CHST6: variants seen among roughly 807,000 people sequenced by gnomAD.
CHST6 encodes the protein carbohydrate sulfotransferase 6, also known as N-acetylglucosamine 6-O-sulfotransferase 5.
For missense variants in CHST6, 698 were observed against 586.2 expected, an observed-to-expected ratio of 1.19 and a Z score of -1.97; for synonymous variants, 309 against 276.4, an observed-to-expected ratio of 1.12 and a Z score of -1.17.
At position 75,474,441 on chromosome 16, in the gene CHST6, A is replaced by AT. The variant is rs930670232; in HGVS notation, c.*4199dup. 2.1e-4 allele frequency: 81 copies of AT among 385,344 alleles called. No homozygotes were observed. Among genetic ancestry groups the AT allele is most frequent in the Non-Finnish European group, 3.2e-4 (70 of 218,276 alleles). 23.9% of individuals were successfully genotyped at this position (385,344 alleles called of 1,614,324 possible). On this transcript the variant is annotated 3_prime_UTR_variant, in exon 3 of 3. Transcript: ENST00000332272. Reference sequence around the variant, plus strand: ...AGGTGCACGACACCATGCCCTGCTAATTTTTTTTTAACTTTGTAGAGATGG... The same window carrying AT: ...AGGTGCACGACACCATGCCCTGCTAATTTTTTTTTTAACTTTGTAGAGATGG...
Position 75,478,604 on chromosome 16 carries a change from C to A in CHST6, c.*37G>T, listed in dbSNP as rs771447855. 2.5e-6 allele frequency: 4 copies of A among 1,606,446 alleles called. No homozygotes were observed. Among genetic ancestry groups the A allele is most frequent in the Non-Finnish European group, 3.4e-6 (4 of 1,173,866 alleles). On this transcript the variant is annotated 3_prime_UTR_variant, in exon 3 of 3. Coordinates refer to ENST00000332272, the MANE Select transcript of CHST6 (RefSeq NM_021615.5). ...AGCCCCCTCTGCACCATGCACTCTC[C>A]TCCCGGGCCTAGCGCCTGCTACAAC...
Position 75,479,740 on chromosome 16 carries a change from C to T in CHST6, c.89G>A (p.Gly30Glu). 1 of 1,604,776 alleles carries T rather than the reference C, an allele frequency of 6.2e-7. No homozygotes were observed. The highest frequency in any genetic ancestry group is 1.1e-5 in the South Asian group (1 of 90,220). The change falls in exon 3 of 3, where the codon GGG (glycine) becomes GAG (glutamate). Residue 30 changes from glycine to glutamate, a missense_variant. Transcript: ENST00000332272. Reference sequence around the variant, plus strand: ...CTCGCCGCCTGCTGGGGACGAGGGCCCTGGCCGGGAAACCAGAAAGAGGAG... The same window carrying T: ...CTCGCCGCCTGCTGGGGACGAGGGCTCTGGCCGGGAAACCAGAAAGAGGAG... The part of the protein sequence containing the change: ...FLLLFLVSRP[G>E]PSSPAGGEAR...
intron 1 of CHST6, among the ~76,000 whole-genome samples, chr16:75,491,275 C>A (rs1232525115): frequency 7.1e-6 from 1 of 140,742 alleles, no homozygotes; most frequent in African/African-American, 2.6e-5. Context: ...TGAATTCTAT[C>A]TCAATAAAGC....
At chr16:75,494,581 G>A (rs2080289661) in intron 1 of CHST6, among the ~76,000 whole-genome samples, 2 of 152,164 alleles carry the variant, frequency 1.3e-5, no homozygotes, top group South Asian at 4.1e-4. Context: ...CAATTCCCCT[G>A]GGTCTGGTTC....
chr16:75,486,779 T>C (rs1288880426), intron 1 of CHST6, among the ~76,000 whole-genome samples: 1 of 152,202 alleles, frequency 6.6e-6, no homozygotes, highest in Non-Finnish European at 1.5e-5. Flanking sequence ...GATGAGTTTC[T>C]GTCACTTACA....
intron 1 of CHST6, among the ~76,000 whole-genome samples, chr16:75,485,477 A>G (rs2080185976): frequency 6.6e-6 from 1 of 152,172 alleles, no homozygotes; most frequent in South Asian, 2.1e-4. Context: ...AAAAAAAATC[A>G]AAAACCTAAA....
chr16:75,483,532 T>C (rs1308356813), intron 1 of CHST6, among the ~76,000 whole-genome samples: 1 of 152,166 alleles, frequency 6.6e-6, no homozygotes, highest in African/African-American at 2.4e-5. Context: ...TTCAGCACAG[T>C]AGACATTTGG....
At chr16:75,481,302 A>G (rs577653802) in intron 2 of CHST6, among the ~76,000 whole-genome samples, 2 of 151,414 alleles carry the variant, frequency 1.3e-5, no homozygotes, top group African/African-American at 4.8e-5. Context: ...TATCAAAATG[A>G]GCAAATAAGT....
rs2080061077 is a variant in CHST6 at position 75,475,893 on chromosome 16, T to A, written c.*2748A>T. ...TGGAGTCTTGCTCTGTCATCCAGGC[T>A]GGAGTGCAGTGGCATTATCTCGGCT... On this transcript the variant is annotated 3_prime_UTR_variant, in exon 3 of 3. Coordinates refer to ENST00000332272, the MANE Select transcript of CHST6 (RefSeq NM_021615.5). 6.6e-6 allele frequency: 1 copy of A among 152,270 alleles called. No individual in the cohort carries two copies. The highest frequency in any genetic ancestry group is 2.4e-5 in the African/African-American group (1 of 41,462). The allele number at this position is 152,270 out of a possible 1,614,324, so 9.4% of individuals were successfully genotyped here. A position where few individuals can be genotyped will look rare whatever the true frequency, so the allele number is the denominator to read the frequency against.
At chr16:75,490,165 C>G (rs1240464835) in intron 1 of CHST6, among the ~76,000 whole-genome samples, 1 of 92,896 alleles carries the variant, frequency 1.1e-5, no homozygotes, top group Non-Finnish European at 1.9e-5. Context: ...AAGAGCGAGA[C>G]TTTGCCTCAA....
chr16:75,492,370 A>G (rs910124005), intron 1 of CHST6, among the ~76,000 whole-genome samples: 3 of 152,256 alleles, frequency 2.0e-5, no homozygotes, highest in Non-Finnish European at 4.4e-5. Context: ...CACACAGGGT[A>G]CGGAGTGGGA....
At chr16:75,489,455 C>T (rs980586581) in intron 1 of CHST6, among the ~76,000 whole-genome samples, 4 of 148,486 alleles carry the variant, frequency 2.7e-5, no homozygotes, top group Non-Finnish European at 4.5e-5. Flanking sequence ...AGAATTCACA[C>T]AGTGGCTGCT....
chr16:75,482,728 C>T (rs2080155598), intron 1 of CHST6, among the ~76,000 whole-genome samples: 1 of 152,168 alleles, frequency 6.6e-6, no homozygotes, highest in Admixed American at 6.5e-5. Flanking sequence ...GCATCCTTTG[C>T]TCCTTGCCTG....
rs1226070278 is a variant in CHST6, at chr16:75,473,829, T to A, written c.*4812A>T. 6.6e-6 allele frequency: 1 copy of A among 152,238 alleles called. No homozygotes were observed. Among genetic ancestry groups the A allele is most frequent in the Admixed American group, 6.5e-5 (1 of 15,272 alleles). 9.4% of individuals were successfully genotyped at this position (152,238 alleles called of 1,614,324 possible). ...GACAGTGTTCCAAGCCATCACTTTG[T>A]TACTTTTCATTGAGGCTTATCCTGA... On this transcript the variant is annotated 3_prime_UTR_variant, in exon 3 of 3. Transcript: ENST00000332272.
In CHST6 at chr16:75,475,375, ACT is replaced by A. The variant is rs1159770772; in HGVS notation, c.*3264_*3265del. 2 of 151,832 alleles carry A rather than the reference ACT, an allele frequency of 1.3e-5. No homozygotes were observed. Among genetic ancestry groups the A allele is most frequent in the South Asian group, 2.1e-4 (1 of 4,790 alleles). The allele number at this position is 151,832 out of a possible 1,614,324, so 9.4% of individuals were successfully genotyped here. ...CCTGGATTCAGAGGTGGAGAAACAG[ACT>A]CTACTTCTTGATGGCAGGAGCCATG... On this transcript the variant is annotated 3_prime_UTR_variant, in exon 3 of 3. Coordinates refer to ENST00000332272, the MANE Select transcript of CHST6 (RefSeq NM_021615.5).
chr16:75,486,069 C>T (rs2080194109), intron 1 of CHST6, among the ~76,000 whole-genome samples: 1 of 152,212 alleles, frequency 6.6e-6, no homozygotes, highest in South Asian at 2.1e-4. Flanking sequence ...AATCAGTGTT[C>T]ATCAAACAAG....
chr16:75,479,114 G>A lies in CHST6; in HGVS notation c.715C>T (p.Leu239=), dbSNP rs756320893. ...CGGCACACCTCGCGCACCACGCGCAGGCCGGGGTCGGCCTCCACCCACGTG... is the reference window on the plus strand; with the variant it reads ...CGGCACACCTCGCGCACCACGCGCAAGCCGGGGTCGGCCTCCACCCACGTG... ...NGTWVEADPG[L]RVVREVCRSH... is the part of the protein sequence containing the mutation. Residue 239 remains leucine, a synonymous_variant, in exon 3 of 3, where the codon CTG becomes TTG. Transcript: ENST00000332272. 6.2e-7 allele frequency: 1 copy of A among 1,605,168 alleles called. No homozygotes were observed. The highest frequency in any genetic ancestry group is 8.5e-7 in the Non-Finnish European group (1 of 1,178,688).
At position 75,474,034 on chromosome 16, in the gene CHST6, G is replaced by C. The variant is rs1173533382; in HGVS notation, c.*4607C>G. The C allele has an allele frequency of 1.3e-5, 2 of 152,092 alleles. No homozygotes were observed. The highest frequency in any genetic ancestry group is 4.8e-5 in the African/African-American group (2 of 41,402). 9.4% of individuals were successfully genotyped at this position (152,092 alleles called of 1,614,324 possible). A position where few individuals can be genotyped will look rare whatever the true frequency, so the allele number is the denominator to read the frequency against. ...TAAAAATACAAAAAAAATTAGCCGG[G>C]CGTGGTGGTGTACATCTGTAATCCC... On this transcript the variant is annotated 3_prime_UTR_variant, in exon 3 of 3. Transcript: ENST00000332272.
At position 75,491,319 on chromosome 16, in the gene CHST6, C is replaced by T. The variant is rs961587767; in HGVS notation, c.-92+3621G>A. On this transcript the variant is annotated intron_variant, in intron 1 of 2. Transcript: ENST00000332272. ...AAAAAAATACAAAGTATGGGAGATG[C>T]ACACTGAAGTTTGGTGTTTATTTTT... Among the ~76,000 whole-genome samples the T allele has an allele frequency of 8.0e-5, 12 of 149,262 alleles. No homozygotes were observed. The East Asian group carries it at 2.0e-3, about 24-fold the overall frequency.
Sources: gnomAD v4.1 joint callset for allele counts (sites outside exome capture counted in the v4.1 genomes callset) on GRCh38, gnomAD v4.1.1 for gene constraint, MANE v1.5 for transcripts, NCBI Gene and HGNC (gene_info 2026-07-23, HGNC 2026-07-21) for gene names.